The following DOK5 variants were observed in gnomAD, a reference collection of about 807,000 sequenced individuals.
DOK5 encodes the protein docking protein 5.
In DOK5, 27 loss-of-function variants were observed where a neutral mutation model predicts 43.3. The observed-to-expected ratio is 0.62, with a 90% confidence interval of 0.46 to 0.86. The LOEUF is 0.86. Ranked by LOEUF, DOK5 falls within the 40% of genes least tolerant of loss-of-function variation. The probability of loss-of-function intolerance (pLI) is 0.00; values close to 1 mark genes in which losing one functional copy is unlikely to be tolerated. For synonymous variants in DOK5, 146 were observed against 140.1 expected (o/e 1.04, Z -0.30); for missense variants, 373 against 392.9 (o/e 0.95, Z 0.43).
intron 1 of DOK5, among the ~76,000 whole-genome samples, chr20:54,505,451 T>C (rs1568758465): frequency 6.6e-6 from 1 of 152,098 alleles, no homozygotes; most frequent in Admixed American, 6.5e-5. Flanking sequence ...ATAAATTCAA[T>C]TCCCAAATGT....
At chr20:54,585,197 G>A (rs1371953405) in intron 2 of DOK5, among the ~76,000 whole-genome samples, 3 of 152,006 alleles carry the variant, frequency 2.0e-5, no homozygotes, top group Non-Finnish European at 2.9e-5. Flanking sequence ...CCCACTAGGT[G>A]TAGTTCTGAG....
chr20:54,530,267 G>A (rs1027461809), intron 1 of DOK5, among the ~76,000 whole-genome samples: 1 of 152,166 alleles, frequency 6.6e-6, no homozygotes, highest in African/African-American at 2.4e-5. Flanking sequence ...TCTGGCTTGA[G>A]AGTCTGCCCT....
intron 5 of DOK5, among the ~76,000 whole-genome samples, chr20:54,600,343 A>C: frequency 6.6e-6 from 1 of 152,216 alleles, no homozygotes; most frequent in South Asian, 2.1e-4. Context: ...AGTTTGAGCA[A>C]GTCCCCAAGA....
At chr20:54,638,924 A>C (rs1371065373) in intron 6 of DOK5, among the ~76,000 whole-genome samples, 1 of 151,744 alleles carries the variant, frequency 6.6e-6, no homozygotes, top group Non-Finnish European at 1.5e-5. Context: ...CTCATGATCC[A>C]TCCACCTCAG....
Position 54,577,111 on chromosome 20 carries a change from G to T in DOK5, c.175-11372G>T, listed in dbSNP as rs112205551. On this transcript the variant is annotated intron_variant, in intron 2 of 7. Transcript: ENST00000262593. ...AACATACTTGTTTTAGAAGCTGGAA[G>T]TTCTAGATTTGAGTATGGCTCCATC... Among the ~76,000 whole-genome samples, 18 of 152,306 alleles carry T rather than the reference G, an allele frequency of 1.2e-4. 1 individual carries two copies. Among genetic ancestry groups the T allele is most frequent in the African/African-American group, 3.8e-4 (16 of 41,572 alleles).
intron 7 of DOK5, among the ~76,000 whole-genome samples, chr20:54,648,826 T>C (rs576642343): frequency 6.6e-6 from 1 of 152,154 alleles, no homozygotes; most frequent in Non-Finnish European, 1.5e-5. Context: ...CCGTTGCACA[T>C]GAGCACCGGA....
chr20:54,597,842 A>G (rs1986189159), intron 5 of DOK5, among the ~76,000 whole-genome samples: 1 of 152,270 alleles, frequency 6.6e-6, no homozygotes, highest in African/African-American at 2.4e-5. Context: ...GAGAGAAAGC[A>G]TGCTTACATA....
intron 5 of DOK5, among the ~76,000 whole-genome samples, chr20:54,609,935 G>A (rs890201843): frequency 3.3e-5 from 5 of 152,222 alleles, no homozygotes; most frequent in Admixed American, 3.3e-4. Context: ...GTCATGGTCT[G>A]TAGGGAAAGC....
chr20:54,640,163 G>C (rs577147461), intron 6 of DOK5, among the ~76,000 whole-genome samples: 2 of 152,310 alleles, frequency 1.3e-5, no homozygotes, highest in East Asian at 3.9e-4. Flanking sequence ...AGCAGGCATG[G>C]GGAGAACGTG....
chr20:54,578,274 C>A (rs979653562), intron 2 of DOK5, among the ~76,000 whole-genome samples: 2 of 151,966 alleles, frequency 1.3e-5, no homozygotes, highest in East Asian at 1.9e-4. Context: ...AATTTAATAC[C>A]CATTTTTTTG....
At chr20:54,614,588 A>G (rs865780511) in intron 6 of DOK5, among the ~76,000 whole-genome samples, 2 of 152,204 alleles carry the variant, frequency 1.3e-5, no homozygotes, top group African/African-American at 4.8e-5. Flanking sequence ...CAACCTCCTC[A>G]TTATTTCCGC....
chr20:54,584,818 A>C (rs570314513), intron 2 of DOK5, among the ~76,000 whole-genome samples: 56 of 151,292 alleles, frequency 3.7e-4, no homozygotes, highest in African/African-American at 1.3e-3. Flanking sequence ...TAAATTATAT[A>C]TTTTCATTTG....
chr20:54,645,960 A>ATC (rs1979400457), intron 7 of DOK5, among the ~76,000 whole-genome samples: 3 of 140,240 alleles, frequency 2.1e-5, no homozygotes, highest in South Asian at 2.2e-4. Context: ...AAAAAAAGAT[A>ATC]CTGAGTGCCT....
At chr20:54,481,592 G>A (rs1011687252) in intron 1 of DOK5, among the ~76,000 whole-genome samples, 4 of 152,138 alleles carry the variant, frequency 2.6e-5, no homozygotes, top group East Asian at 3.8e-4. Flanking sequence ...CCAAGGACAT[G>A]TGAAGCTACA....
rs953077803 is a variant in DOK5, at chr20:54,576,019, G to A, written c.175-12464G>A. The stretch of plus-strand genomic sequence containing the variant: ...TGGAAAAGAAAATCATGAACACAGA[G>A]TTCCTGGAGAAACGATCAGAGGCAG... On this transcript the variant is annotated intron_variant, in intron 2 of 7. Transcript: ENST00000262593. 1.1e-4 allele frequency among the ~76,000 whole-genome samples: 16 copies of A among 152,072 alleles called. 1 individual carries two copies. The highest frequency in any genetic ancestry group is 3.9e-4 in the African/African-American group (16 of 41,428).
chr20:54,594,209 A>T (rs1162426828), intron 5 of DOK5, among the ~76,000 whole-genome samples: 1 of 152,182 alleles, frequency 6.6e-6, no homozygotes, highest in African/African-American at 2.4e-5. Context: ...GGTATATTGT[A>T]CAAAAAATAA....
chr20:54,506,695 A>G (rs6023321), intron 1 of DOK5, among the ~76,000 whole-genome samples: 8 of 152,294 alleles, frequency 5.3e-5, no homozygotes, highest in African/African-American at 1.9e-4. Flanking sequence ...TCCTGGGCTC[A>G]AGTGATCCTC....
At chr20:54,501,946 T>C (rs1982625134) in intron 1 of DOK5, among the ~76,000 whole-genome samples, 1 of 152,264 alleles carries the variant, frequency 6.6e-6, no homozygotes, top group South Asian at 2.1e-4. Context: ...TTACTTGCTA[T>C]GCTTGCTAAC....
chr20:54,492,212 G>A (rs1384455704), intron 1 of DOK5, among the ~76,000 whole-genome samples: 1 of 152,000 alleles, frequency 6.6e-6, no homozygotes, highest in African/African-American at 2.4e-5. Context: ...CACTTCCTGG[G>A]GTTAGTCATT....
Sources: gnomAD v4.1 joint callset for allele counts (sites outside exome capture counted in the v4.1 genomes callset) on GRCh38, gnomAD v4.1.1 for gene constraint, MANE v1.5 for transcripts, NCBI Gene and HGNC (gene_info 2026-07-23, HGNC 2026-07-21) for gene names.